The following REN variants were observed in gnomAD, a reference collection of about 807,000 sequenced individuals.
REN encodes the protein angiotensin-forming enzyme.
REN carries 42 observed loss-of-function variants against 48.6 expected under a neutral mutation model. The ratio of observed to expected loss-of-function variants is 0.86; its 90% CI spans 0.68 to 1.12. The LOEUF is 1.12. Ranked by LOEUF, REN falls within the 50% of genes most tolerant of loss-of-function variation. The pLI, the probability that REN is intolerant of heterozygous loss-of-function variation, is 0.00. For synonymous variants in REN, 196 were observed against 204.6 expected (o/e 0.96, Z 0.36); for missense variants, 443 against 527.3 (o/e 0.84, Z 1.57).
chr1:204,163,780 A>C (rs960245175), intron 1 of REN, among the ~76,000 whole-genome samples: 17 of 152,298 alleles, frequency 1.1e-4, no homozygotes, highest in African/African-American at 3.8e-4. Flanking sequence ...CAGTGGTTGC[A>C]GGGGGCATGC....
At chr1:204,163,182 A>C (rs10900555) in intron 1 of REN, among the ~76,000 whole-genome samples, 1 of 151,810 alleles carries the variant, frequency 6.6e-6, no homozygotes, top group Non-Finnish European at 1.5e-5. Flanking sequence ...CATACACACA[A>C]AGATTCCCTC....
chr1:204,165,032 C>T (rs769121899), intron 1 of REN, among the ~76,000 whole-genome samples: 4 of 151,426 alleles, frequency 2.6e-5, no homozygotes, highest in Non-Finnish European at 4.4e-5. Flanking sequence ...AGTGCAATGG[C>T]GCTATGTCGG....
In REN at chr1:204,157,386, A is replaced by G. The variant is rs367581932; in HGVS notation, c.690-17T>C. 1 of 1,614,214 alleles carries G rather than the reference A, an allele frequency of 6.2e-7. No homozygotes were observed. Among genetic ancestry groups the G allele is most frequent in the South Asian group, 1.1e-5 (1 of 91,090 alleles). ...TCGGAATCTCTGCAGAGAAAGAGAG[A>G]CAGCAGAAAGGAAGCTTCATTTCAT... On this transcript the variant is annotated splice_polypyrimidine_tract_variant and intron_variant, in intron 5 of 9. Transcript: ENST00000272190.
rs1419061434 is a variant in REN at position 204,166,319 on chromosome 1, T to C, written c.-26A>G. 3.1e-6 allele frequency: 5 copies of C among 1,598,682 alleles called. No homozygotes were observed. The South Asian group carries it at 5.5e-5, about 18-fold the overall frequency. On this transcript the variant is annotated 5_prime_UTR_variant, in exon 1 of 10. Transcript: ENST00000272190. ...GCTTCCCTCAGTCTGGGGCTCTCTC[T>C]GAGATCCACTGAGGTTCTGTGGCTC...
chr1:204,166,316 C>G lies in REN; in HGVS notation c.-23G>C. The G allele has an allele frequency of 6.2e-7, 1 of 1,605,814 alleles. No homozygotes were observed. Among genetic ancestry groups the G allele is most frequent in the South Asian group, 1.1e-5 (1 of 90,888 alleles). On this transcript the variant is annotated 5_prime_UTR_variant, in exon 1 of 10. Coordinates refer to ENST00000272190, the MANE Select transcript of REN (RefSeq NM_000537.4). The stretch of plus-strand genomic sequence containing the variant: ...CATGCTTCCCTCAGTCTGGGGCTCT[C>G]TCTGAGATCCACTGAGGTTCTGTGG...
intron 5 of REN, among the ~76,000 whole-genome samples, chr1:204,157,638 G>T (rs901264423): frequency 1.3e-5 from 2 of 152,234 alleles, no homozygotes; most frequent in African/African-American, 4.8e-5. Flanking sequence ...TGTAGGCCTA[G>T]TCTCCAGGGC....
chr1:204,158,259 CT>C (rs755521652), intron 5 of REN, among the ~76,000 whole-genome samples: 2 of 152,164 alleles, frequency 1.3e-5, no homozygotes, highest in African/African-American at 2.4e-5. Flanking sequence ...AAGACCACCC[CT>C]GAATGCAGAG....
rs182241874 is a variant in REN at position 204,163,330 on chromosome 1, G to A, written c.99-1167C>T. Among the ~76,000 whole-genome samples, 114 of 152,272 alleles carry A rather than the reference G, an allele frequency of 7.5e-4. 1 individual carries two copies. In the Middle Eastern group the frequency reaches 0.02, roughly 27 times the overall value. The stretch of plus-strand genomic sequence containing the variant: ...ATGAATGCAACTTTTATGCCTATCA[G>A]CATGGTATTGTAACAGAAATGATTT... On this transcript the variant is annotated intron_variant, in intron 1 of 9. Coordinates refer to ENST00000272190, the MANE Select transcript of REN (RefSeq NM_000537.4).
chr1:204,160,681 G>A lies in REN; in HGVS notation c.374-3C>T, dbSNP rs369414715. The stretch of plus-strand genomic sequence containing the variant: ...AGCATCGAAGAGCTTGTGATACACT[G>A]GCAGGGGGACAGAGGCTCAGGTTTG... On this transcript the variant is annotated splice_polypyrimidine_tract_variant and splice_region_variant and intron_variant, in intron 3 of 9. Transcript: ENST00000272190. 14 of 1,607,544 alleles carry A rather than the reference G, an allele frequency of 8.7e-6. No individual in the cohort carries two copies. The highest frequency in any genetic ancestry group is 1.2e-5 in the Non-Finnish European group (14 of 1,174,044).
intron 9 of REN, 107 bp downstream of exon 9, chr1:204,155,713 T>G: frequency 1.1e-6 from 1 of 923,408 alleles, no homozygotes; most frequent in Non-Finnish European, 1.7e-6. Flanking sequence ...ACAGCCAAGT[T>G]TGAGAACTAC....
At chr1:204,157,251 G>A in intron 6 of REN, 110 bp downstream of exon 6, 1 of 1,421,604 alleles carries the variant, frequency 7.0e-7, no homozygotes, top group South Asian at 1.1e-5. Flanking sequence ...GCATCTAGCG[G>A]AGGCTGGGCT....
chr1:204,161,362 G>T lies in REN; in HGVS notation c.303C>A (p.Val101=). 2 of 1,607,886 alleles carry T rather than the reference G, an allele frequency of 1.2e-6. No individual in the cohort carries two copies. Among genetic ancestry groups the T allele is most frequent in the Non-Finnish European group, 8.5e-7 (1 of 1,177,220 alleles). Residue 101 remains valine, a synonymous_variant, in exon 3 of 10, where the codon GTC becomes GTA. Transcript: ENST00000272190. ...GIGTPPQTFK[V]VFDTGSSNVW... ...CATTGGACGAACCAGTGTCAAAGACGACTTTGAAGGTCTGGGGTGGGGTGC... is the reference window on the plus strand; with the variant it reads ...CATTGGACGAACCAGTGTCAAAGACTACTTTGAAGGTCTGGGGTGGGGTGC...
At chr1:204,160,330 A>G (rs924989430) in intron 4 of REN, among the ~76,000 whole-genome samples, 7 of 152,248 alleles carry the variant, frequency 4.6e-5, no homozygotes, top group Non-Finnish European at 1.0e-4. Context: ...AGTTAGATGC[A>G]AAAACATCCA....
At chr1:204,165,219 C>T (rs1467806077) in intron 1 of REN, among the ~76,000 whole-genome samples, 1 of 152,180 alleles carries the variant, frequency 6.6e-6, no homozygotes, top group Non-Finnish European at 1.5e-5. Context: ...GATCTGCCCC[C>T]CTCGGCCTCC....
chr1:204,161,521 G>A lies in REN; in HGVS notation c.250-106C>T, dbSNP rs574166041. 2.5e-4 allele frequency: 278 copies of A among 1,132,272 alleles called. 1 individual carries two copies. The African/African-American group carries it at 4.3e-3, about 17-fold the overall frequency. The allele number at this position is 1,132,272 out of a possible 1,614,324, so 70.1% of individuals were successfully genotyped here. A position where few individuals can be genotyped will look rare whatever the true frequency, so the allele number is the denominator to read the frequency against. ...TCGGTGTGAGACTTGGCCCAGGCGAGGTCCTATAGCCTCTCGGGGTTTCCA... is the reference window on the plus strand; with the variant it reads ...TCGGTGTGAGACTTGGCCCAGGCGAAGTCCTATAGCCTCTCGGGGTTTCCA... On this transcript the variant is annotated intron_variant, in intron 2 of 9. Transcript: ENST00000272190.
chr1:204,161,531 C>T, intron 2 of REN, 116 bp from the exon 3 acceptor site: 1 of 1,018,360 alleles, frequency 9.8e-7, no homozygotes. Context: ...GGTCCTATAG[C>T]CTCTCGGGGT....
In REN at chr1:204,156,917, TG is replaced by T; in HGVS notation, c.699-122del. 3 of 1,276,120 alleles carry T rather than the reference TG, an allele frequency of 2.4e-6. No individual in the cohort carries two copies. Among genetic ancestry groups the T allele is most frequent in the Non-Finnish European group, 3.4e-6 (3 of 888,052 alleles). The allele number at this position is 1,276,120 out of a possible 1,614,324, so 79.0% of individuals were successfully genotyped here. A position where few individuals can be genotyped will look rare whatever the true frequency, so the allele number is the denominator to read the frequency against. ...CAGAGGGCTCTAGAGCAGAGGAATG[TG>T]GGACAGACAGCCAGGCTCGGAGCTG... On this transcript the variant is annotated intron_variant, in intron 6 of 9. Transcript: ENST00000272190. This position sits in a 1 kb window ranked among gnomAD's most constrained non-coding sequence, Gnocchi z 4.2.
chr1:204,165,220 C>T (rs760686186), intron 1 of REN, among the ~76,000 whole-genome samples: 5 of 152,214 alleles, frequency 3.3e-5, no homozygotes, highest in African/African-American at 9.6e-5. Flanking sequence ...ATCTGCCCCC[C>T]TCGGCCTCCC....
At chr1:204,158,324 C>T (rs1360245970) in intron 5 of REN, among the ~76,000 whole-genome samples, 1 of 152,142 alleles carries the variant, frequency 6.6e-6, no homozygotes, top group Non-Finnish European at 1.5e-5. Flanking sequence ...ACCGGAGACT[C>T]CTCTCCATTT....
Sources: allele counts gnomAD v4.1 joint callset (sites outside exome capture counted in the v4.1 genomes callset), GRCh38; gene constraint gnomAD v4.1.1; non-coding constraint Gnocchi (gnomAD v3.1); transcripts MANE v1.5; gene names NCBI Gene and HGNC (gene_info 2026-07-23, HGNC 2026-07-21).